The following TMEM87B variants were observed in gnomAD, a reference collection of about 807,000 sequenced individuals.
TMEM87B encodes transmembrane protein 87B.
TMEM87B carries 83 observed loss-of-function variants against 80.3 expected under a neutral mutation model. The observed-to-expected ratio is 1.03, with a 90% CI of 0.87 to 1.24. The LOEUF (loss-of-function observed/expected upper bound fraction) is 1.24, where lower values mean the gene tolerates loss of function less well. TMEM87B is among the 50% of genes most tolerant of loss of function. The pLI is 0.00. For missense variants in TMEM87B, 625 were observed against 674.4 expected (o/e 0.93, Z 0.81); for synonymous variants, 219 against 230.5 (o/e 0.95, Z 0.45).
At position 112,097,287 on chromosome 2, in the gene TMEM87B, A is replaced by G. The variant is rs776088450; in HGVS notation, c.1268A>G (p.Gln423Arg). ...AAGACATTTAGAATTGCAAAATGCC[A>G]ATCAGTAAGTATAACCTTCCTATTT... ...TTKTFRIAKC[Q>R]SDWMERWVDD... The change falls in exon 13 of 19, where the codon CAA becomes CGA. Residue 423 changes from glutamine to arginine, a missense_variant. By Grantham distance (43) the Gln-to-Arg change is conservative. Coordinates refer to ENST00000283206, the MANE Select transcript of TMEM87B (RefSeq NM_032824.3). 1.2e-6 allele frequency: 2 copies of G among 1,603,804 alleles called. No homozygotes were observed. The highest frequency in any genetic ancestry group is 1.7e-6 in the Non-Finnish European group (2 of 1,176,636).
chr2:112,076,842 T>TTGTGTGTGTGTGTGTGTG (rs70962982), intron 5 of TMEM87B, among the ~76,000 whole-genome samples: 24 of 139,264 alleles, frequency 1.7e-4, no homozygotes, highest in Admixed American at 5.8e-4. Flanking sequence ...CTTTTCTGTT[T>TTGTGTGTGTGTGTGTGTG]TGTGTGTGTG....
intron 2 of TMEM87B, among the ~76,000 whole-genome samples, chr2:112,063,310 G>A (rs1218680167): frequency 2.0e-5 from 3 of 152,194 alleles, no homozygotes; most frequent in Admixed American, 1.3e-4. Flanking sequence ...TCGTGAGGAC[G>A]TTCCCAACAG....
chr2:112,106,049 G>A lies in TMEM87B; in HGVS notation c.1498G>A (p.Ala500Thr). The change falls in exon 16 of 19, where the codon GCT (alanine) becomes ACT (threonine). Residue 500 changes from alanine to threonine, a missense_variant. Physicochemically the swap from Ala to Thr is moderately conservative, Grantham distance 58. Coordinates refer to ENST00000283206, the MANE Select transcript of TMEM87B (RefSeq NM_032824.3). Reference sequence around the variant, plus strand: ...CTCAAAATCAGTTTCCAATGGAACAGCTAAGCCTGCCACTTCTGAGAACTT... The same window carrying A: ...CTCAAAATCAGTTTCCAATGGAACAACTAAGCCTGCCACTTCTGAGAACTT... ...RASKSVSNGT[A>T]KPATSENFDE... 1 of 1,567,610 alleles carries A rather than the reference G, an allele frequency of 6.4e-7. No homozygotes were observed. The highest frequency in any genetic ancestry group is 8.6e-7 in the Non-Finnish European group (1 of 1,162,306).
chr2:112,099,854 G>T (rs56207968), intron 14 of TMEM87B, among the ~76,000 whole-genome samples: 7,533 of 142,474 alleles, frequency 0.053, 354 homozygotes, highest in African/African-American at 0.13. Flanking sequence ...CTGCACTCCA[G>T]CTTGGGCAAC....
intron 9 of TMEM87B, among the ~76,000 whole-genome samples, chr2:112,088,854 G>T (rs1415492559): frequency 1.3e-5 from 2 of 152,130 alleles, no homozygotes; most frequent in Non-Finnish European, 2.9e-5. Context: ...TGCCTCCTAA[G>T]TTCAAGCGAT....
At chr2:112,076,851 TGTGTG>T (rs1678833852) in intron 5 of TMEM87B, among the ~76,000 whole-genome samples, 1 of 21,824 alleles carries the variant, frequency 4.6e-5, no homozygotes, top group Admixed American at 4.2e-4. Flanking sequence ...TTTGTGTGTG[TGTGTG>T]TGTGTGTGTG....
chr2:112,073,091 G>A (rs1678706333), intron 4 of TMEM87B, among the ~76,000 whole-genome samples: 2 of 151,906 alleles, frequency 1.3e-5, no homozygotes, highest in Admixed American at 1.3e-4. Context: ...GTAGAGATGA[G>A]GTTTCGCCAT....
At chr2:112,083,776 G>A (rs1413891872) in intron 8 of TMEM87B, among the ~76,000 whole-genome samples, 1 of 152,146 alleles carries the variant, frequency 6.6e-6, no homozygotes, top group African/African-American at 2.4e-5. Context: ...TTGTGAATCT[G>A]TTGGTTTGTT....
At chr2:112,092,223 G>A (rs562321317) in intron 11 of TMEM87B, among the ~76,000 whole-genome samples, 3 of 152,322 alleles carry the variant, frequency 2.0e-5, no homozygotes, top group African/African-American at 7.2e-5. Flanking sequence ...GGGAAGACAA[G>A]TAGGGGTTTA....
chr2:112,071,628 A>T (rs926301050), intron 4 of TMEM87B, among the ~76,000 whole-genome samples: 18 of 152,050 alleles, frequency 1.2e-4, no homozygotes, highest in Non-Finnish European at 2.2e-4. Flanking sequence ...TTATATATTG[A>T]TTTTGTATCC....
At chr2:112,089,934 G>A (rs1313256589) in intron 10 of TMEM87B, among the ~76,000 whole-genome samples, 2 of 152,172 alleles carry the variant, frequency 1.3e-5, no homozygotes, top group Admixed American at 6.5e-5. Context: ...CGAAGGCACC[G>A]CTTGATATCA....
rs1393921464 is a variant in TMEM87B at position 112,112,896 on chromosome 2, C to T, written c.1578-3C>T. ...TATCACCTTTTTTTCCCTTTTATTT[C>T]AGAGCTCTTCCAGTGTTAGTGGATT... On this transcript the variant is annotated splice_polypyrimidine_tract_variant and splice_region_variant and intron_variant, in intron 17 of 18. Transcript: ENST00000283206. 7 of 1,612,292 alleles carry T rather than the reference C, an allele frequency of 4.3e-6. No homozygotes were observed. The highest frequency in any genetic ancestry group is 2.7e-5 in the African/African-American group (2 of 74,788).
intron 15 of TMEM87B, among the ~76,000 whole-genome samples, chr2:112,104,813 T>C (rs1449942430): frequency 1.3e-5 from 2 of 152,214 alleles, no homozygotes; most frequent in Admixed American, 1.3e-4. Context: ...GTAACACAAT[T>C]ATCTACAAAC....
Position 112,060,025 on chromosome 2 carries a change from A to G in TMEM87B, c.214A>G (p.Ile72Val). ...GAAAACTATGTTTAACTCTACAGAT[A>G]TCAAGTTATCTGGTAAGTATAATAA... ...FRKTMFNSTD[I>V]KLSVKSFHCS... Residue 72 changes from isoleucine (I) to valine (V), a missense_variant, in exon 2 of 19, where the codon ATC (isoleucine) becomes GTC (valine). Transcript: ENST00000283206. 1 of 1,588,946 alleles carries G rather than the reference A, an allele frequency of 6.3e-7. No homozygotes were observed. Among genetic ancestry groups the G allele is most frequent in the Non-Finnish European group, 8.6e-7 (1 of 1,163,704 alleles).
rs1255091924 is a variant in TMEM87B at position 112,070,194 on chromosome 2, A to G, written c.450+3127A>G. On this transcript the variant is annotated intron_variant, in intron 4 of 18. Coordinates refer to ENST00000283206, the MANE Select transcript of TMEM87B (RefSeq NM_032824.3). ...TAGTTTAATTAGATCCTATTTGTCAATTTTTGCTTTTGTTGCAATTGCTTT... is the reference window on the plus strand; with the variant it reads ...TAGTTTAATTAGATCCTATTTGTCAGTTTTTGCTTTTGTTGCAATTGCTTT... 7.9e-5 allele frequency among the ~76,000 whole-genome samples: 12 copies of G among 151,856 alleles called. No individual in the cohort carries two copies. The South Asian group carries it at 1.0e-3, about 13-fold the overall frequency.
chr2:112,062,780 A>G (rs1678295485), intron 2 of TMEM87B, among the ~76,000 whole-genome samples: 1 of 152,182 alleles, frequency 6.6e-6, no homozygotes, highest in Non-Finnish European at 1.5e-5. Flanking sequence ...CAAACTTAAC[A>G]GTGCTTCTGT....
At chr2:112,057,944 C>G (rs781421622) in intron 1 of TMEM87B, among the ~76,000 whole-genome samples, 3 of 151,870 alleles carry the variant, frequency 2.0e-5, no homozygotes, top group Non-Finnish European at 1.5e-5. Context: ...TCTCCTGCCT[C>G]AGCCTCCTGA....
rs139045974 is a variant in TMEM87B, at chr2:112,072,410, G to A, written c.451-2502G>A. On this transcript the variant is annotated intron_variant, in intron 4 of 18. Transcript: ENST00000283206. ...TTAGCTGTGAATCCATCTGGTCTTC[G>A]GCCTTTTTTTGGTTGGTAGGCTATT... Among the ~76,000 whole-genome samples the A allele has an allele frequency of 3.7e-4, 57 of 152,128 alleles. 1 individual carries two copies. The East Asian group carries it at 7.0e-3, about 19-fold the overall frequency.
intron 4 of TMEM87B, among the ~76,000 whole-genome samples, chr2:112,072,834 C>T (rs1274084024): frequency 6.7e-6 from 1 of 149,696 alleles, no homozygotes; most frequent in East Asian, 1.9e-4. Flanking sequence ...TCTTGCTTCA[C>T]TAGTTCTTTG....
Sources: gnomAD v4.1 joint callset for allele counts (sites outside exome capture counted in the v4.1 genomes callset) on GRCh38, gnomAD v4.1.1 for gene constraint, MANE v1.5 for transcripts, NCBI Gene and HGNC (gene_info 2026-07-23, HGNC 2026-07-21) for gene names.